Variants in RAP1GDS1 observed in about 807,000 individuals in gnomAD.
RAP1GDS1 encodes the protein RAP1, GTP-GDP dissociation stimulator 1.
A neutral mutation model predicts 71.1 loss-of-function variants in RAP1GDS1; 35 were observed. The observed-to-expected ratio is 0.49, with a 90% CI of 0.38 to 0.65. RAP1GDS1 has a LOEUF of 0.65. Among genes scored for constraint, RAP1GDS1 ranks in the 30% least tolerant of loss-of-function variants. RAP1GDS1 has a pLI of 0.00. For missense variants in RAP1GDS1, 663 were observed against 706.1 expected, an observed-to-expected ratio of 0.94 and a Z score of 0.69; for synonymous variants, 229 against 243.1, an observed-to-expected ratio of 0.94 and a Z score of 0.54.
At chr4:98,289,092 A>G (rs991733215) in intron 1 of RAP1GDS1, among the ~76,000 whole-genome samples, 3 of 152,174 alleles carry the variant, frequency 2.0e-5, no homozygotes, top group African/African-American at 7.2e-5. Flanking sequence ...ATAATTATAC[A>G]AGGTAGCCCT....
chr4:98,323,246 C>A (rs1351746898), intron 2 of RAP1GDS1, among the ~76,000 whole-genome samples: 1 of 147,328 alleles, frequency 6.8e-6, no homozygotes, highest in East Asian at 2.0e-4. Context: ...TCTGAATAGA[C>A]CAATAACAGG....
At chr4:98,385,594 TTAACTA>T (rs1742626440) in intron 5 of RAP1GDS1, among the ~76,000 whole-genome samples, 1 of 151,934 alleles carries the variant, frequency 6.6e-6, no homozygotes, top group South Asian at 2.1e-4. Context: ...TCCTGTTTTT[TTAACTA>T]TAAGTAAAAT....
At position 98,319,205 on chromosome 4, in the gene RAP1GDS1, G is replaced by T. The variant is rs1052295707; in HGVS notation, c.113-23934G>T. 2.4e-4 allele frequency among the ~76,000 whole-genome samples: 37 copies of T among 152,032 alleles called. 2 individuals carry two copies. The highest frequency in any genetic ancestry group is 1.3e-4 in the Admixed American group (2 of 15,262). On this transcript the variant is annotated intron_variant, in intron 2 of 14. Transcript: ENST00000408927. The stretch of plus-strand genomic sequence containing the variant: ...TTAGCCATTTGCTTAGCATGTTCTA[G>T]GCACTTACCTAAGTATTTAATGATG...
intron 1 of RAP1GDS1, among the ~76,000 whole-genome samples, chr4:98,280,685 A>G (rs973183942): frequency 3.2e-4 from 49 of 151,864 alleles, no homozygotes; most frequent in Admixed American, 5.2e-4. Context: ...GTCCTTGCCC[A>G]TGCCTATGTC....
intron 4 of RAP1GDS1, among the ~76,000 whole-genome samples, chr4:98,376,331 C>T (rs1741181857): frequency 6.6e-6 from 1 of 151,872 alleles, no homozygotes; most frequent in Admixed American, 6.6e-5. Flanking sequence ...GGATAGGGAA[C>T]CTTTTGAGAA....
chr4:98,318,175 G>A (rs1274398543), intron 2 of RAP1GDS1, among the ~76,000 whole-genome samples: 1 of 151,932 alleles, frequency 6.6e-6, no homozygotes, highest in African/African-American at 2.4e-5. Context: ...ACTGAATCTA[G>A]CCACTCTGGA....
chr4:98,288,407 A>G (rs1193477491), intron 1 of RAP1GDS1, among the ~76,000 whole-genome samples: 8 of 152,184 alleles, frequency 5.3e-5, no homozygotes, highest in Non-Finnish European at 8.8e-5. Context: ...TATATGTGCC[A>G]CATTTTCTTA....
At chr4:98,355,948 T>A (rs1737904540) in intron 4 of RAP1GDS1, among the ~76,000 whole-genome samples, 1 of 152,182 alleles carries the variant, frequency 6.6e-6, no homozygotes. Flanking sequence ...GTTTTTCATT[T>A]AAAATGCTTG....
chr4:98,401,586 A>G (rs1459065414), intron 6 of RAP1GDS1, among the ~76,000 whole-genome samples: 2 of 152,222 alleles, frequency 1.3e-5, no homozygotes, highest in African/African-American at 4.8e-5. Context: ...TGCTGATAAT[A>G]TTAGGCTAAC....
At chr4:98,398,040 AT>A (rs1285713829) in intron 6 of RAP1GDS1, among the ~76,000 whole-genome samples, 1 of 152,136 alleles carries the variant, frequency 6.6e-6, no homozygotes, top group East Asian at 1.9e-4. Flanking sequence ...TATTATTATT[AT>A]TATTTTTAGT....
chr4:98,267,345 A>T (rs1425119153), intron 1 of RAP1GDS1, among the ~76,000 whole-genome samples: 1 of 152,106 alleles, frequency 6.6e-6, no homozygotes, highest in Non-Finnish European at 1.5e-5. Context: ...TTCAGAGGGT[A>T]CATGTGCATG....
intron 6 of RAP1GDS1, among the ~76,000 whole-genome samples, chr4:98,399,902 C>CCCAA (rs1235944860): frequency 6.6e-6 from 1 of 152,100 alleles, no homozygotes; most frequent in African/African-American, 2.4e-5. Flanking sequence ...CACCTGTAAT[C>CCCAA]CCAACACTTT....
intron 7 of RAP1GDS1, among the ~76,000 whole-genome samples, chr4:98,416,334 GTTTTTTTTT>G (rs70955932): frequency 9.7e-5 from 5 of 51,554 alleles, no homozygotes; most frequent in Admixed American, 2.3e-4. Flanking sequence ...CATTTTCTTA[GTTTTTTTTT>G]TTTTTTTTTT....
intron 6 of RAP1GDS1, among the ~76,000 whole-genome samples, chr4:98,398,933 A>ACTAGAAGGACATCC (rs761233776): frequency 1.3e-5 from 2 of 152,218 alleles, no homozygotes; most frequent in Non-Finnish European, 2.9e-5. Flanking sequence ...AATACCAGCA[A>ACTAGAAGGACATCC]CTAGAAGGAC....
chr4:98,262,049 G>A (rs1722082105), intron 1 of RAP1GDS1, among the ~76,000 whole-genome samples: 1 of 152,256 alleles, frequency 6.6e-6, no homozygotes, highest in Admixed American at 6.5e-5. Flanking sequence ...ATCCCGGGCG[G>A]GGAAGTGGAA....
chr4:98,311,478 G>C (rs1249488073), intron 2 of RAP1GDS1, among the ~76,000 whole-genome samples: 1 of 152,154 alleles, frequency 6.6e-6, no homozygotes, highest in Non-Finnish European at 1.5e-5. Context: ...AAACAAAGGA[G>C]GGGGAGAACA....
At chr4:98,346,398 C>T (rs1736260004) in intron 3 of RAP1GDS1, among the ~76,000 whole-genome samples, 1 of 151,940 alleles carries the variant, frequency 6.6e-6, no homozygotes, top group Non-Finnish European at 1.5e-5. Flanking sequence ...ACATGTAGTA[C>T]ATGTTTATTT....
intron 1 of RAP1GDS1, among the ~76,000 whole-genome samples, chr4:98,286,535 A>T (rs1560774919): frequency 6.6e-6 from 1 of 152,198 alleles, no homozygotes; most frequent in Non-Finnish European, 1.5e-5. Flanking sequence ...ATCAAACATG[A>T]CAAGTAAGAC....
At chr4:98,421,460 T>C in intron 12 of RAP1GDS1, 66 bp downstream of exon 12, 2 of 1,426,450 alleles carry the variant, frequency 1.4e-6, no homozygotes, top group Non-Finnish European at 1.9e-6. Flanking sequence ...CCCAGCATTG[T>C]AGGTCCTAAC....
Sources: gnomAD v4.1 joint callset for allele counts (sites outside exome capture counted in the v4.1 genomes callset) on GRCh38, gnomAD v4.1.1 for gene constraint, MANE v1.5 for transcripts, NCBI Gene and HGNC (gene_info 2026-07-23, HGNC 2026-07-21) for gene names.